The following ARID4B variants were observed in gnomAD, a reference collection of about 807,000 sequenced individuals.
The protein encoded by ARID4B is AT-rich interaction domain 4B.
Under a neutral mutation model 147.5 loss-of-function variants are expected in ARID4B, and 26 were observed. That is an observed-to-expected ratio of 0.18 (90% confidence interval 0.13 to 0.24). ARID4B has a LOEUF of 0.24. Among genes scored for constraint, ARID4B ranks in the 10% least tolerant of loss-of-function variants. The pLI, the probability that ARID4B is intolerant of heterozygous loss-of-function variation, is 1.00. For missense variants in ARID4B, 1,179 were observed against 1,511.5 expected, an observed-to-expected ratio of 0.78 and a Z score of 3.65; for synonymous variants, 512 against 507.9, an observed-to-expected ratio of 1.01 and a Z score of -0.11.
At chr1:235,308,268 TTTGTA>T (rs141024388) in intron 2 of ARID4B, among the ~76,000 whole-genome samples, 70,041 of 150,522 alleles carry the variant, frequency 0.47, 16,544 homozygotes, top group South Asian at 0.6. Context: ...ACAGCTAATT[TTTGTA>T]TTGTATTTTT....
intron 2 of ARID4B, among the ~76,000 whole-genome samples, chr1:235,282,558 A>G (rs950383887): frequency 2.6e-5 from 4 of 152,192 alleles, no homozygotes; most frequent in Non-Finnish European, 5.9e-5. Flanking sequence ...CCTGGAAACC[A>G]TAACACTGTT....
At chr1:235,320,835 G>A (rs1453083532) in intron 2 of ARID4B, among the ~76,000 whole-genome samples, 2 of 152,104 alleles carry the variant, frequency 1.3e-5, no homozygotes, top group Admixed American at 1.3e-4. Flanking sequence ...AAACCTGAAT[G>A]GCTCACTCTA....
chr1:235,230,594 T>TTAAAAAAAAAAAA (rs1491526188), intron 10 of ARID4B, among the ~76,000 whole-genome samples: 1 of 58,408 alleles, frequency 1.7e-5, no homozygotes, highest in African/African-American at 6.7e-5. Context: ...GACTATAAGC[T>TTAAAAAAAAAAAA]AAAAAAAAAA....
rs1257912514 is a variant in ARID4B at position 235,167,791 on chromosome 1, G to A, written c.*734C>T. ...GTTTAAGATTTAATACAGTTTATTAGCCATTTTCTTTTTTCACACAATGTA... is the reference window on the plus strand; with the variant it reads ...GTTTAAGATTTAATACAGTTTATTAACCATTTTCTTTTTTCACACAATGTA... On this transcript the variant is annotated 3_prime_UTR_variant, in exon 24 of 24. Coordinates refer to ENST00000264183, the MANE Select transcript of ARID4B (RefSeq NM_016374.6). 1.5e-5 allele frequency: 3 copies of A among 193,638 alleles called. No homozygotes were observed. Among genetic ancestry groups the A allele is most frequent in the African/African-American group, 4.6e-5 (2 of 43,096 alleles). The allele number at this position is 193,638 out of a possible 1,614,324, so 12.0% of individuals were successfully genotyped here.
chr1:235,270,011 C>T (rs1204692330), intron 2 of ARID4B, among the ~76,000 whole-genome samples: 2 of 152,160 alleles, frequency 1.3e-5, no homozygotes, highest in Non-Finnish European at 2.9e-5. Flanking sequence ...CAGCCGGGCG[C>T]GGTGCCTCAC....
Position 235,205,231 on chromosome 1 carries a change from GA to G in ARID4B, c.1841+8537del, listed in dbSNP as rs532320542. Among the ~76,000 whole-genome samples, 122 of 150,764 alleles carry G rather than the reference GA, an allele frequency of 8.1e-4. 1 individual carries two copies. The South Asian group carries it at 0.011, about 14-fold the overall frequency. ...GATCAGATTACATGGAAATAAGAAAGAAAAAAAATGAAGGACACAAAACATT... is the reference window on the plus strand; with the variant it reads ...GATCAGATTACATGGAAATAAGAAAGAAAAAAATGAAGGACACAAAACATT... On this transcript the variant is annotated intron_variant, in intron 17 of 23. Coordinates refer to ENST00000264183, the MANE Select transcript of ARID4B (RefSeq NM_016374.6).
intron 17 of ARID4B, among the ~76,000 whole-genome samples, chr1:235,204,255 G>A (rs1300130752): frequency 6.6e-6 from 1 of 152,188 alleles, no homozygotes; most frequent in Non-Finnish European, 1.5e-5. Flanking sequence ...CCAGAAGGCG[G>A]AGGTTGCAGT....
At chr1:235,255,620 A>G in intron 5 of ARID4B, 40 bp downstream of exon 5, 1 of 1,327,534 alleles carries the variant, frequency 7.5e-7, no homozygotes. Flanking sequence ...TTCTTTGTGT[A>G]ACTAAAAACA....
intron 13 of ARID4B, among the ~76,000 whole-genome samples, chr1:235,222,685 T>TC (rs1344475778): frequency 6.6e-6 from 1 of 151,228 alleles, no homozygotes; most frequent in Non-Finnish European, 1.5e-5. Flanking sequence ...AATCTTTTTT[T>TC]TTTTTTTTTT....
intron 2 of ARID4B, among the ~76,000 whole-genome samples, chr1:235,265,722 G>C (rs1031247176): frequency 1.3e-5 from 2 of 151,702 alleles, no homozygotes; most frequent in Non-Finnish European, 2.9e-5. Context: ...GAAAAAAAAG[G>C]GTATATGTTC....
intron 2 of ARID4B, among the ~76,000 whole-genome samples, chr1:235,301,038 CTTTTTTTTTTTTT>C (rs780839339): frequency 8.9e-6 from 1 of 112,284 alleles, no homozygotes; most frequent in Non-Finnish European, 1.8e-5. Context: ...TTTAAGTATT[CTTTTTTTTTTTTT>C]TTTTTTTTTT....
In ARID4B at chr1:235,316,382, G is replaced by A. The variant is rs564232209; in HGVS notation, c.6+10532C>T. Among the ~76,000 whole-genome samples, 12 of 151,904 alleles carry A rather than the reference G, an allele frequency of 7.9e-5. No homozygotes were observed. In the East Asian group the frequency reaches 2.1e-3, roughly 27 times the overall value. On this transcript the variant is annotated intron_variant, in intron 2 of 23. Transcript: ENST00000264183. Reference sequence around the variant, plus strand: ...AAATTAGCCAGGTGTTGTGGCACACGCCTGTAATCCCAACTACTCTGGAAG... The same window carrying A: ...AAATTAGCCAGGTGTTGTGGCACACACCTGTAATCCCAACTACTCTGGAAG...
At chr1:235,293,583 T>A (rs1472015319) in intron 2 of ARID4B, among the ~76,000 whole-genome samples, 1 of 152,068 alleles carries the variant, frequency 6.6e-6, no homozygotes, top group African/African-American at 2.4e-5. Flanking sequence ...AAAAGCAAAT[T>A]GTTGCTCAAA....
intron 19 of ARID4B, chr1:235,190,144 A>G (rs1664994435): frequency 6.5e-6 from 1 of 153,856 alleles, no homozygotes; most frequent in African/African-American, 2.4e-5. Flanking sequence ...CTGGATACGA[A>G]AAACAAAGAT....
chr1:235,214,664 T>G (rs6677573), intron 16 of ARID4B, among the ~76,000 whole-genome samples: 70,660 of 151,714 alleles, frequency 0.47, 16,785 homozygotes, highest in South Asian at 0.6. Flanking sequence ...TATCTTATCA[T>G]GTTTGTTCTT....
chr1:235,231,320 G>C, intron 9 of ARID4B, 131 bp from the exon 10 acceptor site: 1 of 554,438 alleles, frequency 1.8e-6, no homozygotes, highest in Non-Finnish European at 3.1e-6. Flanking sequence ...TACAATAAAA[G>C]TGATTGCACA....
At chr1:235,199,561 GAA>G (rs900946599) in intron 17 of ARID4B, among the ~76,000 whole-genome samples, 1 of 152,180 alleles carries the variant, frequency 6.6e-6, no homozygotes, top group Non-Finnish European at 1.5e-5. Flanking sequence ...GAGAATTAGA[GAA>G]GAGAAGGAAA....
intron 8 of ARID4B, among the ~76,000 whole-genome samples, chr1:235,235,548 C>A (rs1668497213): frequency 1.3e-5 from 2 of 152,190 alleles, no homozygotes; most frequent in Non-Finnish European, 1.5e-5. Context: ...CGACAATATG[C>A]ATTTTATCCC....
intron 7 of ARID4B, among the ~76,000 whole-genome samples, chr1:235,241,055 A>G (rs1385450971): frequency 6.6e-6 from 1 of 152,244 alleles, no homozygotes; most frequent in Non-Finnish European, 1.5e-5. Context: ...AACATTAAAT[A>G]TTGGACTAGT....
Sources: allele counts gnomAD v4.1 joint callset (sites outside exome capture counted in the v4.1 genomes callset), GRCh38; gene constraint gnomAD v4.1.1; transcripts MANE v1.5; gene names NCBI Gene and HGNC (gene_info 2026-07-23, HGNC 2026-07-21).